The following ASTN1 variants were observed in gnomAD, a reference collection of about 807,000 sequenced individuals.
ASTN1 encodes astrotactin 1.
ASTN1 carries 41 observed loss-of-function variants against 140.7 expected under a neutral mutation model. The observed-to-expected ratio is 0.29, with a 90% CI of 0.23 to 0.38. The LOEUF is 0.38. Ranked by LOEUF, ASTN1 falls within the 10% of genes least tolerant of loss-of-function variation. The pLI is 1.00. For missense variants in ASTN1, 1,479 were observed against 1,678.8 expected (o/e 0.88, Z 2.08); for synonymous variants, 640 against 652.2 (o/e 0.98, Z 0.29).
At chr1:176,877,362 G>A (rs1668610290) in intron 20 of ASTN1, among the ~76,000 whole-genome samples, 1 of 152,136 alleles carries the variant, frequency 6.6e-6, no homozygotes, top group South Asian at 2.1e-4. Context: ...CAGCCCTAGT[G>A]GAGAGTCTCT....
At chr1:177,157,076 G>A (rs1211374947) in intron 1 of ASTN1, among the ~76,000 whole-genome samples, 1 of 152,212 alleles carries the variant, frequency 6.6e-6, no homozygotes, top group Non-Finnish European at 1.5e-5. Flanking sequence ...TACCCTGGGT[G>A]AGATCCTGGA....
At chr1:177,014,249 C>T (rs955738672) in intron 8 of ASTN1, among the ~76,000 whole-genome samples, 5 of 152,150 alleles carry the variant, frequency 3.3e-5, no homozygotes, top group African/African-American at 9.7e-5. Context: ...TTGTCCCACT[C>T]GTGTGTGTCT....
chr1:176,917,457 G>C (rs1221566975), intron 16 of ASTN1, among the ~76,000 whole-genome samples: 1 of 152,154 alleles, frequency 6.6e-6, no homozygotes, highest in African/African-American at 2.4e-5. Context: ...GCACCCCCGT[G>C]GGAAGACGTG....
Position 177,121,802 on chromosome 1 carries a change from G to T in ASTN1, c.283+42592C>A, listed in dbSNP as rs564262754. ...GGTCCCTGCCAAGAGTCTAGGTTTTGTGATGAGAACCTAGATGTGATCAGG... is the reference window on the plus strand; with the variant it reads ...GGTCCCTGCCAAGAGTCTAGGTTTTTTGATGAGAACCTAGATGTGATCAGG... On this transcript the variant is annotated intron_variant, in intron 1 of 22. Transcript: ENST00000361833. Among the ~76,000 whole-genome samples, 400 of 152,222 alleles carry T rather than the reference G, an allele frequency of 2.6e-3. 2 individuals are homozygous for T. Among genetic ancestry groups the T allele is most frequent in the South Asian group, 4.8e-3 (23 of 4,816 alleles).
intron 12 of ASTN1, 21 bp from the exon 13 acceptor site, chr1:176,946,141 A>G: frequency 1.3e-6 from 2 of 1,529,682 alleles, no homozygotes; most frequent in Non-Finnish European, 8.9e-7. Flanking sequence ...GGAGAGCTCA[A>G]TATAAGAAGT....
intron 20 of ASTN1, among the ~76,000 whole-genome samples, chr1:176,882,139 C>G (rs1018672776): frequency 6.6e-6 from 1 of 152,168 alleles, no homozygotes; most frequent in African/African-American, 2.4e-5. Flanking sequence ...GAAGAGTTCG[C>G]AGAAAGAATA....
intron 12 of ASTN1, 32 bp downstream of exon 12, chr1:176,949,153 C>A (rs1227955717): frequency 1.9e-6 from 3 of 1,611,474 alleles, no homozygotes; most frequent in Non-Finnish European, 8.5e-7. Context: ...GACAGATGGA[C>A]GCCAGGTGGC....
chr1:176,874,972 A>G (rs1042508884), intron 21 of ASTN1, among the ~76,000 whole-genome samples: 15 of 152,194 alleles, frequency 9.9e-5, no homozygotes, highest in African/African-American at 3.4e-4. Flanking sequence ...AACAGTGGAC[A>G]AAAACAGACT....
chr1:177,147,806 T>G (rs1047924864), intron 1 of ASTN1, among the ~76,000 whole-genome samples: 3 of 152,132 alleles, frequency 2.0e-5, no homozygotes, highest in Non-Finnish European at 2.9e-5. Context: ...CTAAGTCAAC[T>G]CATGCCAAAA....
intron 22 of ASTN1, among the ~76,000 whole-genome samples, chr1:176,868,436 T>C (rs12747720): frequency 0.054 from 8,260 of 152,242 alleles, 288 homozygotes; most frequent in African/African-American, 0.098. Context: ...TAATTCAAAA[T>C]AAGTATTTAC....
intron 1 of ASTN1, among the ~76,000 whole-genome samples, chr1:177,164,108 G>C (rs937362282): frequency 6.6e-6 from 1 of 152,138 alleles, no homozygotes; most frequent in Admixed American, 6.5e-5. Context: ...AAAGCTGGGA[G>C]GTCAAGGCTG....
chr1:176,965,593 C>T (rs534100043), intron 8 of ASTN1, among the ~76,000 whole-genome samples: 6 of 152,128 alleles, frequency 3.9e-5, no homozygotes, highest in Non-Finnish European at 5.9e-5. Flanking sequence ...AGAAGAGCAG[C>T]GTGATTTCTT....
chr1:177,126,434 T>G (rs1171790586), intron 1 of ASTN1, among the ~76,000 whole-genome samples: 1 of 152,142 alleles, frequency 6.6e-6, no homozygotes, highest in Non-Finnish European at 1.5e-5. Flanking sequence ...TCAAATGAAA[T>G]GCGATACTCT....
chr1:177,006,844 G>A (rs920529960), intron 8 of ASTN1, among the ~76,000 whole-genome samples: 7 of 152,114 alleles, frequency 4.6e-5, no homozygotes, highest in Non-Finnish European at 1.0e-4. Context: ...GGGAGGAGGT[G>A]GGATGAAGAT....
rs78943780 is a variant in ASTN1, at chr1:177,140,671, A to G, written c.283+23723T>C. 8.4e-3 allele frequency among the ~76,000 whole-genome samples: 1,281 copies of G among 152,306 alleles called. 20 individuals carry two copies. Among genetic ancestry groups the G allele is most frequent in the African/African-American group, 0.028 (1,164 of 41,564 alleles). ...ATCTATTCTCTATAAGGGTTCTCTC[A>G]TCTAAGCCAGGATTATTCTCCCCAT... On this transcript the variant is annotated intron_variant, in intron 1 of 22. Coordinates refer to ENST00000361833, the MANE Select transcript of ASTN1 (RefSeq NM_004319.3).
intron 1 of ASTN1, among the ~76,000 whole-genome samples, chr1:177,129,974 A>G (rs1391233054): frequency 2.6e-5 from 4 of 152,182 alleles, no homozygotes; most frequent in Admixed American, 2.6e-4. Context: ...CAAAAAAATA[A>G]AAAAGAAAAA....
chr1:176,932,457 A>C (rs6702216), intron 16 of ASTN1, among the ~76,000 whole-genome samples: 7,417 of 152,338 alleles, frequency 0.049, 218 homozygotes, highest in African/African-American at 0.08. Context: ...AAATATATTT[A>C]AAGAACCAGA....
intron 17 of ASTN1, among the ~76,000 whole-genome samples, chr1:176,892,778 C>G (rs1416141299): frequency 2.6e-5 from 4 of 152,166 alleles, no homozygotes; most frequent in Non-Finnish European, 4.4e-5. Context: ...ATTTGGCACT[C>G]CTCTACTCTT....
rs531455448 is a variant in ASTN1 at position 176,973,638 on chromosome 1, C to T, written c.1524-8401G>A. Reference sequence around the variant, plus strand: ...TCACCTTTTCATACCTTCTTTCTCTCAAACCTCTGACACCTCCTCCCCAAT... The same window carrying T: ...TCACCTTTTCATACCTTCTTTCTCTTAAACCTCTGACACCTCCTCCCCAAT... On this transcript the variant is annotated intron_variant, in intron 8 of 22. Coordinates refer to ENST00000361833, the MANE Select transcript of ASTN1 (RefSeq NM_004319.3). Among the ~76,000 whole-genome samples the T allele has an allele frequency of 6.5e-4, 99 of 152,316 alleles. 1 individual carries two copies. Among genetic ancestry groups the T allele is most frequent in the Middle Eastern group, 6.8e-3 (2 of 294 alleles).
Sources: gnomAD v4.1 joint callset for allele counts (sites outside exome capture counted in the v4.1 genomes callset) on GRCh38, gnomAD v4.1.1 for gene constraint, MANE v1.5 for transcripts, NCBI Gene and HGNC (gene_info 2026-07-23, HGNC 2026-07-21) for gene names.